SPATA20: variants seen among roughly 807,000 people sequenced by gnomAD.
SPATA20 encodes the protein spermatogenesis associated 20.
Under a neutral mutation model 98.9 loss-of-function variants are expected in SPATA20, and 74 were observed. That is an observed-to-expected ratio of 0.75 (90% confidence interval 0.62 to 0.91). The LOEUF (loss-of-function observed/expected upper bound fraction) is 0.91. Ranked by LOEUF, SPATA20 falls within the 40% of genes least tolerant of loss-of-function variation. SPATA20 has a pLI of 0.00. For missense variants in SPATA20, 1,016 were observed against 1,069.8 expected (o/e 0.95, Z 0.70); for synonymous variants, 430 against 440.5 (o/e 0.98, Z 0.30).
At chr17:50,551,298 A>C in intron 12 of SPATA20, 108 bp downstream of exon 12, 1 of 1,244,722 alleles carries the variant, frequency 8.0e-7, no homozygotes. Flanking sequence ...TAGCGTTATT[A>C]TTCTCAGTTG....
intron 14 of SPATA20, among the ~76,000 whole-genome samples, chr17:50,552,500 CCTTTCTCTTTCTTT>C (rs1382890267): frequency 1.3e-5 from 2 of 149,994 alleles, no homozygotes; most frequent in East Asian, 3.9e-4. Context: ...CTTTTTATTT[CCTTTCTCTTTCTTT>C]CTTTCTCTTT....
At position 50,554,428 on chromosome 17, in the gene SPATA20, C is replaced by A; in HGVS notation, c.2135C>A (p.Ala712Asp). The A allele has an allele frequency of 1.9e-6, 3 of 1,612,560 alleles. No homozygotes were observed. Among genetic ancestry groups the A allele is most frequent in the Non-Finnish European group, 2.5e-6 (3 of 1,180,026 alleles). ...ALPEMVRALS[A>D]QQQTLKQIVI... The stretch of plus-strand genomic sequence containing the variant: ...CCCGAGATGGTCCGCGCCCTCTCAG[C>A]CCAGCAGCAGACCCTCAAGCAGGTG... Residue 712 changes from alanine to aspartate, a missense_variant, in exon 15 of 17, where the codon GCC becomes GAC. Transcript: ENST00000006658.
chr17:50,547,493 C>CCT, intron 1 of SPATA20: 2 of 640,460 alleles, frequency 3.1e-6, no homozygotes, highest in Admixed American at 4.6e-5. Flanking sequence ...TCCCTTCCCT[C>CCT]CTCTCCCCTT....
At position 50,547,292 on chromosome 17, in the gene SPATA20, G is replaced by T; in HGVS notation, c.77+7G>T. 7.3e-7 allele frequency: 1 copy of T among 1,379,248 alleles called. No individual in the cohort carries two copies. Among genetic ancestry groups the T allele is most frequent in the Non-Finnish European group, 9.3e-7 (1 of 1,073,920 alleles). The allele number at this position is 1,379,248 out of a possible 1,614,324, so 85.4% of individuals were successfully genotyped here. ...GCCTCGCCGCGAGCCGCAGGTACGG[G>T]CGGGCGAGCGGGCCCCTAGGGCACT... is the stretch of plus-strand genomic sequence containing the variant. On this transcript the variant is annotated splice_region_variant and intron_variant, in intron 1 of 16. Transcript: ENST00000006658.
rs1327457106 is a variant in SPATA20 at position 50,550,206 on chromosome 17, AG to A, written c.995del. 1 of 1,612,786 alleles carries A rather than the reference AG, an allele frequency of 6.2e-7. No individual in the cohort carries two copies. ...CTGGCCTCCAGCTTTGTATCCGCAC[AG>A]GGCTTTCACCGCTACTCCACAGACC... On this transcript the variant is annotated splice_acceptor_variant, in intron 8 of 16. Coordinates refer to ENST00000006658, the MANE Select transcript of SPATA20 (RefSeq NM_022827.4). LOFTEE classifies it high-confidence loss of function.
At chr17:50,547,411 A>G in intron 1 of SPATA20, 126 bp downstream of exon 1, 1 of 807,806 alleles carries the variant, frequency 1.2e-6, no homozygotes, top group Non-Finnish European at 1.9e-6. Context: ...CCCTTCCCCC[A>G]CCCCACCTCC....
intron 9 of SPATA20, 105 bp downstream of exon 9, chr17:50,550,417 T>C: frequency 7.4e-7 from 1 of 1,355,112 alleles, no homozygotes; most frequent in South Asian, 1.2e-5. Flanking sequence ...CCCTGTTCCC[T>C]CCCATGTACC....
Position 50,548,356 on chromosome 17 carries a change from G to A in SPATA20, c.199G>A (p.Gly67Arg), listed in dbSNP as rs1407887272. The A allele has an allele frequency of 6.2e-7, 1 of 1,613,106 alleles. No individual in the cohort carries two copies. The highest frequency in any genetic ancestry group is 8.5e-7 in the Non-Finnish European group (1 of 1,179,688). Residue 67 changes from glycine (G) to arginine (R), a missense_variant, in exon 3 of 17, where the codon GGA (glycine) becomes AGA (arginine). Coordinates refer to ENST00000006658, the MANE Select transcript of SPATA20 (RefSeq NM_022827.4). ...AGTGCCCATGCCTGCTGGAGGGAAA[G>A]GAAGCCATCCTTCATCTACACCCCA... ...SSVPMPAGGK[G>R]SHPSSTPQRV...
In SPATA20 at chr17:50,555,609, T is replaced by A. The variant is rs766240851; in HGVS notation, c.2356T>A (p.Cys786Ser). 1 of 1,614,098 alleles carries A rather than the reference T, an allele frequency of 6.2e-7. No homozygotes were observed. The highest frequency in any genetic ancestry group is 2.2e-5 in the East Asian group (1 of 44,872). Residue 786 changes from cysteine (C) to serine (S), a missense_variant, in exon 17 of 17, where the codon TGC (cysteine) becomes AGC (serine). Cys to Ser is a moderately radical substitution (Grantham distance 112). Coordinates refer to ENST00000006658, the MANE Select transcript of SPATA20 (RefSeq NM_022827.4). ...ATAYVCENQA[C>S]SVPITDPCEL... ...TGCATATGTGTGTGAGAATCAAGCCTGCTCAGTGCCCATCACTGATCCCTG... is the reference window on the plus strand; with the variant it reads ...TGCATATGTGTGTGAGAATCAAGCCAGCTCAGTGCCCATCACTGATCCCTG...
rs369346912 is a variant in SPATA20, at chr17:50,550,843, G to A, written c.1309G>A (p.Glu437Lys). Reference protein sequence around the residue: ...LLPEPVLGATEPLTSGQLLMK... With the variant: ...LLPEPVLGATKPLTSGQLLMK... ...CCCGGAGCCTGTGTTGGGTGCCACC[G>A]AGCCGCTGACCTCAGGCCAGCTCCT... Residue 437 changes from glutamate to lysine, a missense_variant, in exon 11 of 17, where the codon GAG becomes AAG. Coordinates refer to ENST00000006658, the MANE Select transcript of SPATA20 (RefSeq NM_022827.4). The A allele has an allele frequency of 6.8e-6, 11 of 1,612,934 alleles. No homozygotes were observed. Among genetic ancestry groups the A allele is most frequent in the South Asian group, 1.1e-5 (1 of 91,092 alleles).
chr17:50,555,393 C>A, intron 16 of SPATA20, 81 bp downstream of exon 16: 1 of 1,594,956 alleles, frequency 6.3e-7, no homozygotes, highest in Non-Finnish European at 8.6e-7. Context: ...TCTCCTTCCC[C>A]TCAGAATGTT....
At chr17:50,552,288 A>G in intron 14 of SPATA20, 108 bp downstream of exon 14, 1 of 852,714 alleles carries the variant, frequency 1.2e-6, no homozygotes, top group Non-Finnish European at 1.8e-6. Context: ...TCTGCTACTT[A>G]TTAATGGCGT....
At chr17:50,553,448 G>A (rs1490759366) in intron 14 of SPATA20, among the ~76,000 whole-genome samples, 1 of 152,214 alleles carries the variant, frequency 6.6e-6, no homozygotes, top group African/African-American at 2.4e-5. Context: ...ATAGGGAGCA[G>A]TGCATGACAG....
intron 14 of SPATA20, among the ~76,000 whole-genome samples, chr17:50,552,653 C>T (rs1359178840): frequency 2.0e-5 from 3 of 151,336 alleles, no homozygotes; most frequent in South Asian, 4.2e-4. Context: ...CCTCTGCCTC[C>T]GGGGCTGAAT....
rs766355918 is a variant in SPATA20 at position 50,552,021 on chromosome 17, C to T, written c.1798C>T (p.Leu600=). ...GGACTACGCCTTCGTGGTGCGGGGC[C>T]TGCTGGACCTGTATGAGGCCTCACA... The part of the protein sequence containing the change: ...LEDYAFVVRG[L]LDLYEASQES... Residue 600 remains leucine, a synonymous_variant, in exon 14 of 17, where the codon CTG becomes TTG. Coordinates refer to ENST00000006658, the MANE Select transcript of SPATA20 (RefSeq NM_022827.4). 1.8e-5 allele frequency: 29 copies of T among 1,613,292 alleles called. No individual in the cohort carries two copies. In the East Asian group the frequency reaches 6.2e-4, roughly 35 times the overall value.
chr17:50,550,541 T>C lies in SPATA20; in HGVS notation c.1104T>C (p.Ser368=). The C allele has an allele frequency of 6.2e-7, 1 of 1,614,030 alleles. No individual in the cohort carries two copies. The highest frequency in any genetic ancestry group is 1.3e-5 in the African/African-American group (1 of 75,052). ...AVAYSQAFQL[S]GDEFYSDVAK... ...TCCTTTCTTCCCTTTCTTAGCTCTCTGGTGATGAATTCTACTCTGACGTGG... is the reference window on the plus strand; with the variant it reads ...TCCTTTCTTCCCTTTCTTAGCTCTCCGGTGATGAATTCTACTCTGACGTGG... Residue 368 remains serine, a synonymous_variant, in exon 10 of 17, where the codon TCT becomes TCC. Transcript: ENST00000006658.
chr17:50,547,787 G>A lies in SPATA20; in HGVS notation c.125+20G>A, dbSNP rs756802325. 1.5e-5 allele frequency: 12 copies of A among 794,660 alleles called. No individual in the cohort carries two copies. Among genetic ancestry groups the A allele is most frequent in the Non-Finnish European group, 2.1e-5 (9 of 431,056 alleles). 49.2% of individuals were successfully genotyped at this position (794,660 alleles called of 1,614,324 possible). On this transcript the variant is annotated intron_variant, in intron 2 of 16. Coordinates refer to ENST00000006658, the MANE Select transcript of SPATA20 (RefSeq NM_022827.4). The stretch of plus-strand genomic sequence containing the variant: ...CAGCAGGTGGGCGCTGAGTGAGGGA[G>A]TCCCCATGTCTGGTTTCCTCTGTTT...
At position 50,550,875 on chromosome 17, in the gene SPATA20, G is replaced by A; in HGVS notation, c.1341G>A (p.Lys447=). ...EPLTSGQLLM[K]HYGLTEAGNI... is the part of the protein sequence containing the mutation. ...TGACCTCAGGCCAGCTCCTCATGAA[G>A]CACTACGGCCTCACAGAGGCTGGTA... is the stretch of plus-strand genomic sequence containing the variant. Residue 447 remains lysine, a synonymous_variant, in exon 11 of 17, where the codon AAG becomes AAA. Coordinates refer to ENST00000006658, the MANE Select transcript of SPATA20 (RefSeq NM_022827.4). The A allele has an allele frequency of 6.2e-7, 1 of 1,613,118 alleles. No homozygotes were observed. The highest frequency in any genetic ancestry group is 8.5e-7 in the Non-Finnish European group (1 of 1,180,024).
rs752861412 is a variant in SPATA20, at chr17:50,550,823, A to G, written c.1289A>G (p.Glu430Gly). The change falls in exon 11 of 17, where the codon GAG becomes GGG. Residue 430 changes from glutamate to glycine, a missense_variant. By Grantham distance (98) the Glu-to-Gly change is moderately conservative. Transcript: ENST00000006658. ...AAAGAGGTTCAGCAGCTCCTCCCGGAGCCTGTGTTGGGTGCCACCGAGCCG... is the reference window on the plus strand; with the variant it reads ...AAAGAGGTTCAGCAGCTCCTCCCGGGGCCTGTGTTGGGTGCCACCGAGCCG... Reference protein sequence around the residue: ...TVKEVQQLLPEPVLGATEPLT... With the variant: ...TVKEVQQLLPGPVLGATEPLT... The G allele has an allele frequency of 6.2e-7, 1 of 1,612,862 alleles. No individual in the cohort carries two copies. The highest frequency in any genetic ancestry group is 1.3e-5 in the African/African-American group (1 of 75,014).
Sources: allele counts gnomAD v4.1 joint callset (sites outside exome capture counted in the v4.1 genomes callset), GRCh38; gene constraint gnomAD v4.1.1; transcripts MANE v1.5; gene names NCBI Gene and HGNC (gene_info 2026-07-23, HGNC 2026-07-21).